PUS7: variants seen among roughly 807,000 people sequenced by gnomAD.
PUS7 encodes the protein pseudouridylate synthase 7 homolog.
Under a neutral mutation model 79.8 loss-of-function variants are expected in PUS7, and 48 were observed. The observed-to-expected ratio is 0.60, with a 90% CI of 0.48 to 0.76. PUS7 has a LOEUF of 0.76. PUS7 is among the 30% of genes least tolerant of loss of function. The pLI, the probability that PUS7 is intolerant of heterozygous loss-of-function variation, is 0.00. For missense variants in PUS7, 729 were observed against 797.6 expected (o/e 0.91, Z 1.04); for synonymous variants, 286 against 272.2 (o/e 1.05, Z -0.50).
intron 6 of PUS7, among the ~76,000 whole-genome samples, chr7:105,492,347 C>T (rs111761604): frequency 2.8e-4 from 43 of 151,306 alleles, no homozygotes; most frequent in Non-Finnish European, 5.0e-4. Context: ...TTTTTTGAGA[C>T]GGAGTCTCTC....
chr7:105,501,975 T>A (rs867549034), intron 5 of PUS7, among the ~76,000 whole-genome samples: 2,444 of 139,266 alleles, frequency 0.018, 23 homozygotes, highest in African/African-American at 0.037. Flanking sequence ...AAAAAATATA[T>A]ATATATATAT....
intron 12 of PUS7, among the ~76,000 whole-genome samples, chr7:105,467,041 T>G (rs1055220598): frequency 6.6e-5 from 8 of 121,928 alleles, no homozygotes; most frequent in African/African-American, 2.7e-4. Context: ...TCTGTTTTTT[T>G]TTTTTTTTTT....
At chr7:105,502,292 G>A (rs1825284252) in intron 5 of PUS7, 128 bp downstream of exon 5, 1 of 1,180,662 alleles carries the variant, frequency 8.5e-7, no homozygotes. Flanking sequence ...CTGAAGGAGG[G>A]ACATGATCAA....
intron 15 of PUS7, among the ~76,000 whole-genome samples, chr7:105,458,933 A>C (rs1823302799): frequency 6.6e-6 from 1 of 152,022 alleles, no homozygotes; most frequent in South Asian, 2.1e-4. Context: ...GGATGGGGAG[A>C]AATACTCCAT....
chr7:105,485,284 A>G (rs1156398733), intron 7 of PUS7, among the ~76,000 whole-genome samples: 1 of 152,188 alleles, frequency 6.6e-6, no homozygotes, highest in African/African-American at 2.4e-5. Flanking sequence ...ATCTTGGCTC[A>G]CTGCAACCTC....
At chr7:105,506,132 C>G (rs996350293) in intron 3 of PUS7, 57 bp downstream of exon 3, 4 of 1,496,070 alleles carry the variant, frequency 2.7e-6, no homozygotes, top group Non-Finnish European at 3.6e-6. Context: ...ATTTCTAAAT[C>G]TCTAGGAAAT....
chr7:105,488,568 C>T (rs1824646589), intron 7 of PUS7, among the ~76,000 whole-genome samples: 1 of 152,142 alleles, frequency 6.6e-6, no homozygotes, highest in Admixed American at 6.6e-5. Context: ...ACAAATACGT[C>T]TGTCATGGAC....
In PUS7 at chr7:105,508,412, TTC is replaced by T. The variant is rs765326959; in HGVS notation, c.99_100del (p.Lys34AlafsTer16). On this transcript the variant is annotated frameshift_variant, in exon 2 of 16. Coordinates refer to ENST00000469408, the MANE Select transcript of PUS7 (RefSeq NM_019042.5). LOFTEE classifies it high-confidence loss of function. ...TTTGGTTAGACTGCATTCCGACAGC[TTC>T]TGTTTTTTTGTCTCTTCAACTGGGA... 4.3e-6 allele frequency: 7 copies of T among 1,614,062 alleles called. No individual in the cohort carries two copies. The highest frequency in any genetic ancestry group is 5.9e-6 in the Non-Finnish European group (7 of 1,180,040).
Position 105,495,242 on chromosome 7 carries a change from G to A in PUS7, c.742C>T (p.His248Tyr), listed in dbSNP as rs1427162791. The A allele has an allele frequency of 6.3e-7, 1 of 1,594,152 alleles. No individual in the cohort carries two copies. Among genetic ancestry groups the A allele is most frequent in the Non-Finnish European group, 8.6e-7 (1 of 1,163,610 alleles). Residue 248 changes from histidine to tyrosine, a missense_variant, in exon 6 of 16, where the codon CAT becomes TAT. Coordinates refer to ENST00000469408, the MANE Select transcript of PUS7 (RefSeq NM_019042.5). ...CTTCCCCTAGATTTTGGCCAAGAATGTTTTCTTGGATCTTGAAAGCAAAAG... is the reference window on the plus strand; with the variant it reads ...CTTCCCCTAGATTTTGGCCAAGAATATTTTCTTGGATCTTGAAAGCAAAAG... ...GKKALANPRKHSWPKSRGSYC... is the reference protein window; with the variant it reads ...GKKALANPRKYSWPKSRGSYC...
intron 10 of PUS7, among the ~76,000 whole-genome samples, chr7:105,471,128 C>T (rs1216508768): frequency 6.6e-6 from 1 of 152,196 alleles, no homozygotes. Flanking sequence ...CACGCTAGTA[C>T]TTTCTTCCTT....
intron 1 of PUS7, among the ~76,000 whole-genome samples, chr7:105,515,791 T>TTTTATTTTATTTATTTA (rs1554353688): frequency 6.3e-4 from 76 of 121,270 alleles, no homozygotes; most frequent in African/African-American, 2.2e-3. Flanking sequence ...TTTTATTTTA[T>TTTTATTTTATTTATTTA]TTTATTTATT....
At chr7:105,470,570 A>C in intron 11 of PUS7, 118 bp downstream of exon 11, 2 of 1,231,236 alleles carry the variant, frequency 1.6e-6, no homozygotes, top group Non-Finnish European at 2.2e-6. Context: ...CTCAGAGATC[A>C]CCAAAGGATC....
intron 9 of PUS7, among the ~76,000 whole-genome samples, chr7:105,475,528 T>C (rs1824070459): frequency 6.6e-6 from 1 of 151,954 alleles, no homozygotes; most frequent in Non-Finnish European, 1.5e-5. Context: ...TTCACTGTGT[T>C]AGCTAGGATG....
chr7:105,519,933 C>G (rs1826038744), intron 1 of PUS7, among the ~76,000 whole-genome samples: 1 of 152,152 alleles, frequency 6.6e-6, no homozygotes, highest in African/African-American at 2.4e-5. Flanking sequence ...CAAACTTAGT[C>G]GACAGTATGA....
intron 1 of PUS7, among the ~76,000 whole-genome samples, chr7:105,520,735 A>T (rs1229544422): frequency 1.3e-5 from 2 of 151,914 alleles, no homozygotes; most frequent in Non-Finnish European, 2.9e-5. Context: ...AAAATAAATC[A>T]AAAAACAAAG....
intron 9 of PUS7, among the ~76,000 whole-genome samples, chr7:105,473,985 C>A (rs1695554086): frequency 6.6e-6 from 1 of 152,172 alleles, no homozygotes; most frequent in Admixed American, 6.5e-5. Flanking sequence ...GTAATTCTTC[C>A]TTTAACTTTT....
At chr7:105,521,471 C>CT (rs1300365400) in intron 1 of PUS7, among the ~76,000 whole-genome samples, 21 of 152,322 alleles carry the variant, frequency 1.4e-4, no homozygotes, top group African/African-American at 4.3e-4. Context: ...AGAAAGCACT[C>CT]TGAGTCTGCA....
chr7:105,495,069 T>C, intron 6 of PUS7, 73 bp downstream of exon 6: 3 of 821,964 alleles, frequency 3.6e-6, no homozygotes, highest in Non-Finnish European at 5.9e-6. Flanking sequence ...TGCTCCTTTT[T>C]CCATTAGCAT....
intron 7 of PUS7, among the ~76,000 whole-genome samples, chr7:105,487,083 A>AAT (rs1049702087): frequency 3.2e-4 from 49 of 152,020 alleles, no homozygotes; most frequent in East Asian, 2.1e-3. Context: ...AAAATAAATA[A>AAT]ATATATATAT....
Sources: gnomAD v4.1 joint callset for allele counts (sites outside exome capture counted in the v4.1 genomes callset) on GRCh38, gnomAD v4.1.1 for gene constraint, MANE v1.5 for transcripts, NCBI Gene and HGNC (gene_info 2026-07-23, HGNC 2026-07-21) for gene names.